Variants in CYP4F11 observed in about 807,000 individuals in gnomAD.
The protein encoded by CYP4F11 is cytochrome P450 family 4 subfamily F member 11, also known as cytochrome P450 4F11.
In CYP4F11, 79 loss-of-function variants were observed where a neutral mutation model predicts 62.2. The ratio of observed to expected loss-of-function variants is 1.27; its 90% CI spans 1.06 to 1.53. The LOEUF (loss-of-function observed/expected upper bound fraction) is 1.53. Among genes scored for constraint, CYP4F11 ranks in the 40% most tolerant of loss-of-function variants. The pLI is 0.00. For synonymous variants in CYP4F11, 290 were observed against 263.7 expected, an observed-to-expected ratio of 1.10 and a Z score of -0.97; for missense variants, 777 against 680.5, an observed-to-expected ratio of 1.14 and a Z score of -1.58.
intron 6 of CYP4F11, among the ~76,000 whole-genome samples, chr19:15,922,749 T>C (rs1002140933): frequency 6.6e-6 from 1 of 152,204 alleles, no homozygotes; most frequent in Non-Finnish European, 1.5e-5. Flanking sequence ...GCAATTTCAC[T>C]TGGAGGTTAG....
Position 15,912,982 on chromosome 19 carries a change from C to A in CYP4F11, c.*750G>T, listed in dbSNP as rs1718064288. ...CTGAGACAGGAAATAATAATGGCTC[C>A]ATATATTTAGCATTCATTGTGTGCC... is the stretch of plus-strand genomic sequence containing the variant. On this transcript the variant is annotated 3_prime_UTR_variant, in exon 12 of 12. Coordinates refer to ENST00000402119, the MANE Select transcript of CYP4F11 (RefSeq NM_021187.4). 2.0e-5 allele frequency: 3 copies of A among 151,472 alleles called. No individual in the cohort carries two copies. The highest frequency in any genetic ancestry group is 7.3e-5 in the African/African-American group (3 of 41,124). The allele number at this position is 151,472 out of a possible 1,614,324, so 9.4% of individuals were successfully genotyped here.
intron 1 of CYP4F11, among the ~76,000 whole-genome samples, chr19:15,930,217 A>G (rs1253867353): frequency 6.6e-6 from 1 of 152,104 alleles, no homozygotes; most frequent in Non-Finnish European, 1.5e-5. Flanking sequence ...CTCTGCCCTG[A>G]GCATCGTGTC....
chr19:15,914,469 C>T lies in CYP4F11; in HGVS notation c.1315-82G>A. The stretch of plus-strand genomic sequence containing the variant: ...CCCAGTTGTCTCCAAGACCCCCGGC[C>T]TTGGAGAGACATTTTGGCAGATGTG... On this transcript the variant is annotated intron_variant, in intron 10 of 11. Coordinates refer to ENST00000402119, the MANE Select transcript of CYP4F11 (RefSeq NM_021187.4). The T allele has an allele frequency of 2.6e-6, 4 of 1,557,684 alleles. No individual in the cohort carries two copies. In the South Asian group the frequency reaches 4.6e-5, roughly 18 times the overall value.
At chr19:15,919,477 T>TG in intron 8 of CYP4F11, among the ~76,000 whole-genome samples, 1 of 98,512 alleles carries the variant, frequency 1.0e-5, no homozygotes, top group South Asian at 4.8e-4. Flanking sequence ...GATGTATAGA[T>TG]AGATAGATAG....
intron 8 of CYP4F11, among the ~76,000 whole-genome samples, chr19:15,920,363 G>A (rs2089616342): frequency 6.6e-6 from 1 of 152,120 alleles, no homozygotes; most frequent in Non-Finnish European, 1.5e-5. Flanking sequence ...ATATACAGTG[G>A]GCATCAGGAT....
intron 8 of CYP4F11, among the ~76,000 whole-genome samples, chr19:15,919,069 T>C (rs893964644): frequency 6.7e-6 from 1 of 149,990 alleles, no homozygotes; most frequent in Admixed American, 6.7e-5. Context: ...TATATGGAAA[T>C]ATACACATTT....
In CYP4F11 at chr19:15,924,728, G is replaced by A. The variant is rs774676968; in HGVS notation, c.647+33C>T. 3.8e-6 allele frequency: 6 copies of A among 1,599,304 alleles called. No homozygotes were observed. The South Asian group carries it at 6.6e-5, about 18-fold the overall frequency. On this transcript the variant is annotated intron_variant, in intron 5 of 11. Transcript: ENST00000402119. ...TCCAGCCTACTCCCTTGGGTTCCAG[G>A]CCCAAGTTCTCAGGTCCTAGGAAAG...
intron 8 of CYP4F11, among the ~76,000 whole-genome samples, chr19:15,920,502 T>G (rs1279532230): frequency 2.0e-5 from 3 of 152,250 alleles, no homozygotes; most frequent in African/African-American, 7.2e-5. Context: ...TGTGTAATTT[T>G]GCTTGAAATC....
intron 8 of CYP4F11, among the ~76,000 whole-genome samples, chr19:15,921,069 TC>T (rs2089623972): frequency 1.2e-4 from 1 of 8,172 alleles, no homozygotes; most frequent in Non-Finnish European, 2.6e-4. Flanking sequence ...TCTCTCTCTC[TC>T]TCTCTCTCTC....
At chr19:15,920,246 ACT>A (rs1253603970) in intron 8 of CYP4F11, among the ~76,000 whole-genome samples, 1 of 152,180 alleles carries the variant, frequency 6.6e-6, no homozygotes, top group Non-Finnish European at 1.5e-5. Context: ...ATTTTCTAAA[ACT>A]CATATTTTGA....
Position 15,914,352 on chromosome 19 carries a change from G to A in CYP4F11, c.1350C>T (p.Ile450=), listed in dbSNP as rs1337523855. Residue 450 remains isoleucine (I), a synonymous_variant, in exon 11 of 12, where the codon ATC becomes ATT. Coordinates refer to ENST00000402119, the MANE Select transcript of CYP4F11 (RefSeq NM_021187.4). ...TAAAAGCCAGAGGTGACCTCTCCTTGATGTTCTCTTGGTCGAAACGGAAGG... is the reference window on the plus strand; with the variant it reads ...TAAAAGCCAGAGGTGACCTCTCCTTAATGTTCTCTTGGTCGAAACGGAAGG... The part of the protein sequence containing the change: ...YDPFRFDQEN[I]KERSPLAFIP... 1 of 1,614,138 alleles carries A rather than the reference G, an allele frequency of 6.2e-7. No homozygotes were observed. Among genetic ancestry groups the A allele is most frequent in the Admixed American group, 1.7e-5 (1 of 60,028 alleles).
Position 15,923,834 on chromosome 19 carries a change from A to G in CYP4F11, c.896T>C (p.Ile299Thr), listed in dbSNP as rs2089647654. Residue 299 changes from isoleucine to threonine, a missense_variant, in exon 6 of 12, where the codon ATT (isoleucine) becomes ACT (threonine). Ile to Thr is a moderately conservative substitution (Grantham distance 89). Transcript: ENST00000402119. ...TACCTTGCTCAGCAGAAGCACATCA[A>G]TGAAGTCTAAAGTCTTGGACTTTGC... ...NKAKSKTLDF[I>T]DVLLLSKDED... The G allele has an allele frequency of 3.7e-6, 6 of 1,613,850 alleles. No individual in the cohort carries two copies. Among genetic ancestry groups the G allele is most frequent in the East Asian group, 4.5e-5 (2 of 44,878 alleles).
chr19:15,915,400 G>C (rs1381860357), intron 8 of CYP4F11, among the ~76,000 whole-genome samples: 1 of 152,180 alleles, frequency 6.6e-6, no homozygotes, highest in East Asian at 1.9e-4. Context: ...AAACATTTAA[G>C]ACCCAGTAAG....
chr19:15,923,960 C>A lies in CYP4F11; in HGVS notation c.770G>T (p.Arg257Leu), dbSNP rs771046979. The A allele has an allele frequency of 1.2e-5, 20 of 1,614,072 alleles. No homozygotes were observed. The highest frequency in any genetic ancestry group is 1.1e-4 in the East Asian group (5 of 44,890). The change falls in exon 6 of 12, where the codon CGC (arginine) becomes CTC (leucine). Residue 257 changes from arginine to leucine, a missense_variant. Coordinates refer to ENST00000402119, the MANE Select transcript of CYP4F11 (RefSeq NM_021187.4). ...GTCGTGCACCAGGTGGCAGGCCCTG[C>A]GGAAGCGCTGCCCATCAGGAGTGAG... ...YYLTPDGQRF[R>L]RACHLVHDFT... is the part of the protein sequence containing the mutation.
intron 5 of CYP4F11, 130 bp downstream of exon 5, chr19:15,924,630 TC>T (rs1412539392): frequency 9.3e-7 from 1 of 1,073,140 alleles, no homozygotes; most frequent in African/African-American, 1.6e-5. Flanking sequence ...TCCCCATCCT[TC>T]AAAGCCCAGC....
chr19:15,925,571 G>A (rs1051024804), intron 4 of CYP4F11, among the ~76,000 whole-genome samples: 2 of 151,894 alleles, frequency 1.3e-5, no homozygotes, highest in African/African-American at 2.4e-5. Context: ...TGCATGTGGG[G>A]CTTAAAACCT....
At chr19:15,932,401 TGAGGAGAGGAATGAGTGAGC>T (rs2089734824) in intron 1 of CYP4F11, among the ~76,000 whole-genome samples, 3 of 6,572 alleles carry the variant, frequency 4.6e-4, no homozygotes, top group Admixed American at 3.0e-3. Flanking sequence ...AATGAGTGAG[TGAGGAGAGGAATGAGTGAGC>T]GAGGAGAGGA....
At chr19:15,915,653 A>G (rs1356793133) in intron 8 of CYP4F11, among the ~76,000 whole-genome samples, 2 of 152,098 alleles carry the variant, frequency 1.3e-5, no homozygotes, top group Admixed American at 6.5e-5. Flanking sequence ...CACATATTCC[A>G]TATCTTTTCT....
chr19:15,923,708 T>A (rs1178329069), intron 6 of CYP4F11, 104 bp downstream of exon 6: 1 of 1,461,930 alleles, frequency 6.8e-7, no homozygotes, highest in Non-Finnish European at 9.2e-7. Flanking sequence ...TTCAAGCATG[T>A]TCCATGGCTC....
Sources: gnomAD v4.1 joint callset for allele counts (sites outside exome capture counted in the v4.1 genomes callset) on GRCh38, gnomAD v4.1.1 for gene constraint, MANE v1.5 for transcripts, NCBI Gene and HGNC (gene_info 2026-07-23, HGNC 2026-07-21) for gene names.